The following PKD1L1 variants were observed in gnomAD, a reference collection of about 807,000 sequenced individuals.
The protein encoded by PKD1L1 is polycystin-1-like protein 1.
PKD1L1 carries 236 observed loss-of-function variants against 323.4 expected under a neutral mutation model. That is an observed-to-expected ratio of 0.73 (90% confidence interval 0.66 to 0.81). The LOEUF (loss-of-function observed/expected upper bound fraction) is 0.81. Among genes scored for constraint, PKD1L1 ranks in the 40% least tolerant of loss-of-function variants. The pLI is 0.00. For missense variants in PKD1L1, 3,320 were observed against 3,508.0 expected, an observed-to-expected ratio of 0.95 and a Z score of 1.35; for synonymous variants, 1,344 against 1,335.0, an observed-to-expected ratio of 1.01 and a Z score of -0.15.
chr7:47,906,032 A>G, intron 9 of PKD1L1, 70 bp from the exon 10 acceptor site: 1 of 1,372,510 alleles, frequency 7.3e-7, no homozygotes, highest in Non-Finnish European at 9.7e-7. Context: ...TGCAACACAC[A>G]GTCAGTATTT....
chr7:47,775,809 G>GTGC (rs1235624277), intron 56 of PKD1L1, among the ~76,000 whole-genome samples: 2 of 115,122 alleles, frequency 1.7e-5, no homozygotes, highest in African/African-American at 6.1e-5. Context: ...CAGTGCTGTA[G>GTGC]ATAACAGAAA....
intron 19 of PKD1L1, 125 bp downstream of exon 19, chr7:47,884,473 T>C: frequency 3.5e-6 from 3 of 857,898 alleles, no homozygotes; most frequent in South Asian, 2.9e-5. Flanking sequence ...AGAGTTCAAC[T>C]TTTCCCTGTG....
At chr7:47,914,755 C>A (rs577432554) in intron 8 of PKD1L1, among the ~76,000 whole-genome samples, 1 of 151,986 alleles carries the variant, frequency 6.6e-6, no homozygotes, top group East Asian at 1.9e-4. Flanking sequence ...TTTCTCCCCC[C>A]CAACATCCCC....
Position 47,862,064 on chromosome 7 carries a change from G to A in PKD1L1, c.4149+3152C>T, listed in dbSNP as rs956881775. ...ACAAAAATTGGCCAGGTATGGTGGC[G>A]TGCACCTGTAATCCCAGCTACTAGG... On this transcript the variant is annotated intron_variant, in intron 26 of 56. Transcript: ENST00000289672. Among the ~76,000 whole-genome samples the A allele has an allele frequency of 7.9e-5, 12 of 151,332 alleles. No individual in the cohort carries two copies. In the East Asian group the frequency reaches 9.7e-4, roughly 12 times the overall value.
chr7:47,864,698 C>CTCCCT (rs1411243174), intron 26 of PKD1L1, among the ~76,000 whole-genome samples: 1 of 141,028 alleles, frequency 7.1e-6, no homozygotes, highest in Non-Finnish European at 1.5e-5. Flanking sequence ...CTCCCCTCCC[C>CTCCCT]TCCCTTCCCT....
rs1484413671 is a variant in PKD1L1, at chr7:47,840,134, C to CA, written c.5552+326dup. Among the ~76,000 whole-genome samples, 1 of 152,138 alleles carries CA rather than the reference C, an allele frequency of 6.6e-6. No individual in the cohort carries two copies. The highest frequency in any genetic ancestry group is 1.5e-5 in the Non-Finnish European group (1 of 68,026). The stretch of plus-strand genomic sequence containing the variant: ...TTCTCCAACCCCACCATCTTTGTGA[C>CA]ACCATGTGTCACAAACTGGGGACAA... On this transcript the variant is annotated intron_variant, in intron 35 of 56. Coordinates refer to ENST00000289672, the MANE Select transcript of PKD1L1 (RefSeq NM_138295.5). The surrounding 1 kb of genome is among the most constrained non-coding windows in gnomAD (Gnocchi z 4.1).
At chr7:47,805,086 TACAC>T (rs59085691) in intron 52 of PKD1L1, among the ~76,000 whole-genome samples, 7,654 of 150,048 alleles carry the variant, frequency 0.051, 306 homozygotes, top group African/African-American at 0.11. Context: ...CCTGTACAAA[TACAC>T]ACACACACAC....
At chr7:47,922,480 G>A (rs1440512903) in intron 7 of PKD1L1, among the ~76,000 whole-genome samples, 5 of 151,664 alleles carry the variant, frequency 3.3e-5, no homozygotes, top group South Asian at 4.2e-4. Context: ...GTCTCTGCCC[G>A]GCTGCCCATC....
rs1230029657 is a variant in PKD1L1 at position 47,774,946 on chromosome 7, G to A, written c.*197C>T. 1 of 631,262 alleles carries A rather than the reference G, an allele frequency of 1.6e-6. No individual in the cohort carries two copies. Among genetic ancestry groups the A allele is most frequent in the African/African-American group, 1.8e-5 (1 of 54,624 alleles). 39.1% of individuals were successfully genotyped at this position (631,262 alleles called of 1,614,324 possible). On this transcript the variant is annotated 3_prime_UTR_variant, in exon 57 of 57. Transcript: ENST00000289672. ...TGAACTCTCCGAATGGTGATTATGA[G>A]TAACAGTCTGATGACAGATAAACCT...
Position 47,866,628 on chromosome 7 carries a change from A to G in PKD1L1, c.3897-14T>C. 6.3e-7 allele frequency: 1 copy of G among 1,584,378 alleles called. No individual in the cohort carries two copies. The highest frequency in any genetic ancestry group is 8.6e-7 in the Non-Finnish European group (1 of 1,162,844). On this transcript the variant is annotated splice_polypyrimidine_tract_variant and intron_variant, in intron 24 of 56. Coordinates refer to ENST00000289672, the MANE Select transcript of PKD1L1 (RefSeq NM_138295.5). ...CTGGAATTATACCTGAAGGAAACAC[A>G]AGAGTTATCATTACTGTTCCAACAC...
chr7:47,805,510 G>A (rs901351144), intron 52 of PKD1L1, among the ~76,000 whole-genome samples: 1 of 152,236 alleles, frequency 6.6e-6, no homozygotes, highest in Admixed American at 6.5e-5. Flanking sequence ...AGAGGCCAAG[G>A]TGCCAGAACA....
chr7:47,775,391 A>G (rs1431313741), intron 56 of PKD1L1, among the ~76,000 whole-genome samples: 1 of 152,248 alleles, frequency 6.6e-6, no homozygotes, highest in Admixed American at 6.5e-5. Context: ...TTGGGCCATT[A>G]AAACAAGCTT....
intron 4 of PKD1L1, 84 bp downstream of exon 4, chr7:47,936,762 T>A: frequency 9.1e-7 from 1 of 1,100,504 alleles, no homozygotes; most frequent in Non-Finnish European, 1.3e-6. Context: ...AAGCATCGAC[T>A]TTCACATCTG....
At chr7:47,930,136 G>A (rs145686439) in intron 6 of PKD1L1, among the ~76,000 whole-genome samples, 1 of 152,132 alleles carries the variant, frequency 6.6e-6, no homozygotes, top group African/African-American at 2.4e-5. Context: ...TGGCATAAAC[G>A]AAAGATTAAA....
intron 17 of PKD1L1, among the ~76,000 whole-genome samples, chr7:47,886,590 C>T (rs1786690264): frequency 6.6e-6 from 1 of 152,102 alleles, no homozygotes; most frequent in Non-Finnish European, 1.5e-5. Context: ...TGAGTTCTTG[C>T]TCTGAGTTCG....
intron 7 of PKD1L1, among the ~76,000 whole-genome samples, chr7:47,926,906 G>A (rs1315377234): frequency 6.6e-6 from 1 of 152,238 alleles, no homozygotes; most frequent in Non-Finnish European, 1.5e-5. Flanking sequence ...CATAGGTAGA[G>A]AGAGCACGCC....
In PKD1L1 at chr7:47,775,131, G is replaced by A. The variant is rs1786539273; in HGVS notation, c.*12C>T. 6.2e-7 allele frequency: 1 copy of A among 1,613,968 alleles called. No individual in the cohort carries two copies. The highest frequency in any genetic ancestry group is 8.5e-7 in the Non-Finnish European group (1 of 1,179,928). On this transcript the variant is annotated 3_prime_UTR_variant, in exon 57 of 57. Transcript: ENST00000289672. Reference sequence around the variant, plus strand: ...ACAGGGTCCATAGTGCCTATGCAAGGTACCAGGCTCCTCAGAAGTCCTTGA... The same window carrying A: ...ACAGGGTCCATAGTGCCTATGCAAGATACCAGGCTCCTCAGAAGTCCTTGA...
Position 47,833,128 on chromosome 7 carries a change from A to G in PKD1L1, c.6299T>C (p.Leu2100Pro), listed in dbSNP as rs549146888. The change falls in exon 41 of 57, where the codon CTG (leucine) becomes CCG (proline). Residue 2100 changes from leucine (L) to proline (P), a missense_variant. Leu to Pro is a moderately conservative substitution (Grantham distance 98). Coordinates refer to ENST00000289672, the MANE Select transcript of PKD1L1 (RefSeq NM_138295.5). ...VHGADHSRTS[L>P]MGKSHCCPPH... ...AGGGCAGCAGTGGCTTTTCCCCATC[A>G]GAGAAGTCCTGCTGTGGTCAGCCCC... 1 of 1,612,284 alleles carries G rather than the reference A, an allele frequency of 6.2e-7. No individual in the cohort carries two copies. Among genetic ancestry groups the G allele is most frequent in the East Asian group, 2.2e-5 (1 of 44,832 alleles).
In PKD1L1 at chr7:47,881,931, A is replaced by C. The variant is rs1271526006; in HGVS notation, c.3420T>G (p.Val1140=). Residue 1140 remains valine, a synonymous_variant, in exon 20 of 57, where the codon GTT becomes GTG. Coordinates refer to ENST00000289672, the MANE Select transcript of PKD1L1 (RefSeq NM_138295.5). ...TACCTGAGGATGAATAGCCTTGGAAAACTGCTCGACCCAGCAGGGCCTTGG... is the reference window on the plus strand; with the variant it reads ...TACCTGAGGATGAATAGCCTTGGAACACTGCTCGACCCAGCAGGGCCTTGG... ...DWPKALLGRA[V]FQGYSSSGIT... 5 of 1,601,408 alleles carry C rather than the reference A, an allele frequency of 3.1e-6. No homozygotes were observed. The African/African-American group carries it at 6.8e-5, about 22-fold the overall frequency.
Sources: gnomAD v4.1 joint callset for allele counts (sites outside exome capture counted in the v4.1 genomes callset) on GRCh38, gnomAD v4.1.1 for gene constraint, Gnocchi (gnomAD v3.1) non-coding constraint, MANE v1.5 for transcripts, NCBI Gene and HGNC (gene_info 2026-07-23, HGNC 2026-07-21) for gene names.